Variants in ADK observed in about 807,000 individuals in gnomAD.
ADK encodes N6,N6-dimethyladenosine kinase.
A neutral mutation model predicts 44.7 loss-of-function variants in ADK; 24 were observed. That is an observed-to-expected ratio of 0.54 (90% CI 0.39 to 0.76). The LOEUF (loss-of-function observed/expected upper bound fraction) is 0.76, where lower values mean the gene tolerates loss of function less well. Among genes scored for constraint, ADK ranks in the 30% least tolerant of loss-of-function variants. ADK has a pLI of 0.00. For missense variants in ADK, 321 were observed against 425.1 expected, an observed-to-expected ratio of 0.76 and a Z score of 2.15; for synonymous variants, 128 against 142.6, an observed-to-expected ratio of 0.90 and a Z score of 0.73.
At chr10:74,628,625 A>G (rs923156980) in intron 9 of ADK, among the ~76,000 whole-genome samples, 1 of 152,002 alleles carries the variant, frequency 6.6e-6, no homozygotes, top group African/African-American at 2.4e-5. Flanking sequence ...TCTAACTCCA[A>G]AGGGGTACAA....
intron 10 of ADK, among the ~76,000 whole-genome samples, chr10:74,696,227 G>T (rs1333325342): frequency 6.7e-6 from 1 of 150,224 alleles, no homozygotes; most frequent in Non-Finnish European, 1.5e-5. Flanking sequence ...CACCATGTTG[G>T]CCAGGCTGGT....
At position 74,243,822 on chromosome 10, in the gene ADK, A is replaced by G. The variant is rs528008087; in HGVS notation, c.194+19231A>G. ...AGGTTGCAGTGAGCCATCACGCCACACTGCATTCCAGCCTGAGTGAGATTA... is the reference window on the plus strand; with the variant it reads ...AGGTTGCAGTGAGCCATCACGCCACGCTGCATTCCAGCCTGAGTGAGATTA... On this transcript the variant is annotated intron_variant, in intron 3 of 10. Coordinates refer to ENST00000539909, the MANE Select transcript of ADK (RefSeq NM_006721.4). 4.6e-5 allele frequency among the ~76,000 whole-genome samples: 7 copies of G among 152,332 alleles called. No homozygotes were observed. In the East Asian group the frequency reaches 1.2e-3, roughly 25 times the overall value.
chr10:74,490,995 A>G (rs926712038), intron 6 of ADK, among the ~76,000 whole-genome samples: 2 of 152,152 alleles, frequency 1.3e-5, no homozygotes, highest in Admixed American at 6.6e-5. Flanking sequence ...CTGGGGTTTA[A>G]TGTGTCTTTT....
chr10:74,350,679 AAAG>A (rs1246948020), intron 4 of ADK, among the ~76,000 whole-genome samples: 2 of 152,224 alleles, frequency 1.3e-5, no homozygotes, highest in African/African-American at 4.8e-5. Context: ...CTAGACTATT[AAAG>A]AAGAAAAGAG....
At chr10:74,268,548 ACC>A (rs1202386581) in intron 3 of ADK, among the ~76,000 whole-genome samples, 4 of 152,194 alleles carry the variant, frequency 2.6e-5, no homozygotes, top group Non-Finnish European at 5.9e-5. Context: ...TGTGTGAAAT[ACC>A]TAGCCTAGTG....
chr10:74,695,073 TA>T (rs1351853108), intron 10 of ADK, among the ~76,000 whole-genome samples: 1 of 152,192 alleles, frequency 6.6e-6, no homozygotes. Context: ...AACTCTGTTG[TA>T]GCTCAAGTTT....
intron 3 of ADK, among the ~76,000 whole-genome samples, chr10:74,266,182 A>G (rs1166960246): frequency 6.6e-6 from 1 of 152,206 alleles, no homozygotes; most frequent in African/African-American, 2.4e-5. Context: ...TCAGATAGTG[A>G]CCAGTACAGG....
intron 10 of ADK, among the ~76,000 whole-genome samples, chr10:74,677,498 A>C (rs1242012102): frequency 6.6e-6 from 1 of 152,154 alleles, no homozygotes; most frequent in African/African-American, 2.4e-5. Context: ...TGTGCTATGC[A>C]TAGAAGTGGT....
At chr10:74,334,491 G>A (rs1841341576) in intron 4 of ADK, among the ~76,000 whole-genome samples, 1 of 152,054 alleles carries the variant, frequency 6.6e-6, no homozygotes, top group Non-Finnish European at 1.5e-5. Flanking sequence ...ATGTGCTGAT[G>A]TTCTTCTGTT....
chr10:74,677,965 CAAAAAAAAAAAAA>C (rs3037448), intron 10 of ADK, among the ~76,000 whole-genome samples: 34 of 43,074 alleles, frequency 7.9e-4, no homozygotes, highest in African/African-American at 1.7e-3. Flanking sequence ...CCAGTCTCTA[CAAAAAAAAAAAAA>C]AAAAAAAAAA....
intron 6 of ADK, among the ~76,000 whole-genome samples, chr10:74,423,057 A>G (rs530887153): frequency 6.6e-6 from 1 of 152,226 alleles, no homozygotes; most frequent in South Asian, 2.1e-4. Flanking sequence ...TCTGTTCCGC[A>G]AGAGGGAAAG....
chr10:74,295,337 T>A (rs1191984691), intron 3 of ADK, among the ~76,000 whole-genome samples: 1 of 116,814 alleles, frequency 8.6e-6, no homozygotes, highest in East Asian at 2.5e-4. Flanking sequence ...TGGCACGTGC[T>A]TGTAATCCCA....
At chr10:74,417,054 G>T (rs1564709934) in intron 6 of ADK, among the ~76,000 whole-genome samples, 1 of 151,992 alleles carries the variant, frequency 6.6e-6, no homozygotes, top group Non-Finnish European at 1.5e-5. Context: ...CTGGTAGATT[G>T]ATAGGCTTCT....
chr10:74,670,067 A>G, intron 9 of ADK, 116 bp from the exon 10 acceptor site: 1 of 826,910 alleles, frequency 1.2e-6, no homozygotes, highest in South Asian at 1.4e-5. Context: ...TATGGAGCTT[A>G]TGTCCTGTCT....
intron 1 of ADK, among the ~76,000 whole-genome samples, chr10:74,152,099 A>AT (rs977470280): frequency 8.6e-5 from 13 of 151,734 alleles, no homozygotes; most frequent in African/African-American, 1.5e-4. Context: ...AAAGGCAGCG[A>AT]TTTTTTTTTC....
intron 9 of ADK, among the ~76,000 whole-genome samples, chr10:74,616,464 A>G (rs954101267): frequency 2.6e-5 from 4 of 152,214 alleles, no homozygotes; most frequent in African/African-American, 9.7e-5. Flanking sequence ...TTGACCTGGC[A>G]TCATTCATTG....
At chr10:74,243,096 C>T (rs1845285856) in intron 3 of ADK, among the ~76,000 whole-genome samples, 1 of 152,248 alleles carries the variant, frequency 6.6e-6, no homozygotes, top group Admixed American at 6.5e-5. Context: ...CCACCCCACG[C>T]AATGTGGTAA....
At chr10:74,593,369 G>A (rs1455973815) in intron 8 of ADK, among the ~76,000 whole-genome samples, 1 of 152,000 alleles carries the variant, frequency 6.6e-6, no homozygotes. Flanking sequence ...CCAAGACAAG[G>A]TGGAAGTGAC....
intron 6 of ADK, among the ~76,000 whole-genome samples, chr10:74,481,219 G>A (rs541973516): frequency 7.1e-4 from 108 of 152,188 alleles, no homozygotes; most frequent in African/African-American, 2.5e-3. Flanking sequence ...GAGAGAATAC[G>A]AAGATAAATT....
Sources: gnomAD v4.1 joint callset for allele counts (sites outside exome capture counted in the v4.1 genomes callset) on GRCh38, gnomAD v4.1.1 for gene constraint, MANE v1.5 for transcripts, NCBI Gene and HGNC (gene_info 2026-07-23, HGNC 2026-07-21) for gene names.